The following LDLRAD3 variants were observed in gnomAD, a reference collection of about 807,000 sequenced individuals.
LDLRAD3 encodes low density lipoprotein receptor class A domain containing 3.
In LDLRAD3, 20 loss-of-function variants were observed where a neutral mutation model predicts 29.4. The ratio of observed to expected loss-of-function variants is 0.68; its 90% CI spans 0.48 to 0.99. The LOEUF is 0.99. LDLRAD3 is among the 50% of genes least tolerant of loss of function. LDLRAD3 has a pLI of 0.00. For synonymous variants in LDLRAD3, 157 were observed against 192.7 expected, an observed-to-expected ratio of 0.81 and a Z score of 1.53; for missense variants, 420 against 454.3, an observed-to-expected ratio of 0.92 and a Z score of 0.69.
rs66512652 is a variant in LDLRAD3, at chr11:36,159,602, T to TAAAAAAAAAAAAA, written c.454+61153_454+61165dup. 1.0e-4 allele frequency among the ~76,000 whole-genome samples: 6 copies of TAAAAAAAAAAAAA among 58,460 alleles called. 1 individual carries two copies. The highest frequency in any genetic ancestry group is 1.3e-4 in the Non-Finnish European group (4 of 31,766). The allele number at this position is 58,460 out of a possible 152,430, so 38.4% of individuals were successfully genotyped here. ...AGTAAAACACCGTCTTTACAGAAAC[T>TAAAAAAAAAAAAA]AAAAAAAAAAAAAAAAAAAAAAAAG... On this transcript the variant is annotated intron_variant, in intron 4 of 5. Transcript: ENST00000315571.
chr11:35,983,290 A>G (rs1003220015), intron 1 of LDLRAD3, among the ~76,000 whole-genome samples: 4 of 152,242 alleles, frequency 2.6e-5, no homozygotes, highest in African/African-American at 7.2e-5. Flanking sequence ...TAGATTAAAT[A>G]AAAGATACCA....
intron 4 of LDLRAD3, among the ~76,000 whole-genome samples, chr11:36,162,288 G>A (rs1476463990): frequency 6.6e-6 from 1 of 152,174 alleles, no homozygotes; most frequent in East Asian, 1.9e-4. Flanking sequence ...TGGGATATCA[G>A]TCACTTCTCC....
At position 36,042,549 on chromosome 11, in the gene LDLRAD3, C is replaced by T. The variant is rs558600756; in HGVS notation, c.193+6300C>T. On this transcript the variant is annotated intron_variant, in intron 2 of 5. Transcript: ENST00000315571. ...ATCACTCTGTAGAAAGCAGAACTGG[C>T]ACAACACTATCATTTTGGGTTGAAT... Among the ~76,000 whole-genome samples the T allele has an allele frequency of 3.3e-5, 5 of 152,290 alleles. No individual in the cohort carries two copies. In the South Asian group the frequency reaches 6.2e-4, roughly 19 times the overall value.
rs548213880 is a variant in LDLRAD3 at position 36,202,890 on chromosome 11, C to T, written c.455-24195C>T. Among the ~76,000 whole-genome samples the T allele has an allele frequency of 6.6e-4, 100 of 152,128 alleles. 1 individual carries two copies. Among genetic ancestry groups the T allele is most frequent in the Non-Finnish European group, 8.8e-4 (60 of 68,008 alleles). On this transcript the variant is annotated intron_variant, in intron 4 of 5. Transcript: ENST00000315571. ...CAGCAGCTGCAAATATTTAATGACC[C>T]CTTAGACTGTTTGCCAGGCACTGTG...
chr11:36,204,926 G>T (rs749767347), intron 4 of LDLRAD3, among the ~76,000 whole-genome samples: 4 of 152,148 alleles, frequency 2.6e-5, no homozygotes, highest in Admixed American at 6.5e-5. Flanking sequence ...CACTTGTTCT[G>T]CAGAAGTCCC....
chr11:36,048,132 G>T (rs1479262257), intron 2 of LDLRAD3, among the ~76,000 whole-genome samples: 1 of 152,198 alleles, frequency 6.6e-6, no homozygotes, highest in South Asian at 2.1e-4. Context: ...GCTTTTTCAG[G>T]TGTCAAAGAT....
At chr11:36,166,735 G>C (rs911476680) in intron 4 of LDLRAD3, among the ~76,000 whole-genome samples, 1 of 152,124 alleles carries the variant, frequency 6.6e-6, no homozygotes, top group Non-Finnish European at 1.5e-5. Flanking sequence ...TTCTAGCCCA[G>C]TACTTCTCAA....
At chr11:36,210,674 A>G (rs1855272769) in intron 4 of LDLRAD3, among the ~76,000 whole-genome samples, 1 of 152,184 alleles carries the variant, frequency 6.6e-6, no homozygotes, top group Non-Finnish European at 1.5e-5. Context: ...AGAAGTATAA[A>G]TATGAGACAT....
At chr11:36,153,822 C>A (rs978737924) in intron 4 of LDLRAD3, among the ~76,000 whole-genome samples, 22 of 152,078 alleles carry the variant, frequency 1.4e-4, no homozygotes, top group African/African-American at 5.3e-4. Flanking sequence ...GCTTGCTTTG[C>A]TTGTTAATGT....
At chr11:36,034,877 G>T (rs1347142451) in intron 1 of LDLRAD3, among the ~76,000 whole-genome samples, 1 of 152,208 alleles carries the variant, frequency 6.6e-6, no homozygotes, top group African/African-American at 2.4e-5. Flanking sequence ...ACGCATAAAG[G>T]ATAGTGGCCT....
At chr11:35,978,557 CAT>C (rs1851502603) in intron 1 of LDLRAD3, among the ~76,000 whole-genome samples, 1 of 152,200 alleles carries the variant, frequency 6.6e-6, no homozygotes, top group African/African-American at 2.4e-5. Flanking sequence ...TTGCTTGGGA[CAT>C]GTGATTCTGA....
At chr11:36,098,162 C>T (rs1424079491) in intron 3 of LDLRAD3, among the ~76,000 whole-genome samples, 165 bp from the exon 4 acceptor site, 2 of 152,242 alleles carry the variant, frequency 1.3e-5, no homozygotes, top group South Asian at 2.1e-4. Flanking sequence ...AGTCTTGTGT[C>T]CAGGTTTGGC....
At chr11:36,160,595 A>G (rs1205424949) in intron 4 of LDLRAD3, among the ~76,000 whole-genome samples, 1 of 152,114 alleles carries the variant, frequency 6.6e-6, no homozygotes, top group Non-Finnish European at 1.5e-5. Flanking sequence ...CGTTCAACCC[A>G]GGAACTCTGC....
intron 4 of LDLRAD3, chr11:36,109,817 G>A (rs1853582520): frequency 6.6e-6 from 1 of 151,928 alleles, no homozygotes; most frequent in Non-Finnish European, 1.5e-5. Flanking sequence ...GAATTTGAAG[G>A]GTGGTCAGTA....
At chr11:36,144,804 T>G (rs1407995563) in intron 4 of LDLRAD3, among the ~76,000 whole-genome samples, 22 of 72,138 alleles carry the variant, frequency 3.0e-4, no homozygotes, top group Non-Finnish European at 3.1e-4. Flanking sequence ...GGGAGGGAGG[T>G]GGGGGGGTCA....
intron 1 of LDLRAD3, among the ~76,000 whole-genome samples, chr11:36,034,362 TG>T (rs1554959071): frequency 1.3e-5 from 2 of 152,202 alleles, no homozygotes; most frequent in Non-Finnish European, 2.9e-5. Context: ...CTGCTTTGGC[TG>T]GAGTCGCAAC....
At position 36,227,299 on chromosome 11, in the gene LDLRAD3, G is replaced by C; in HGVS notation, c.669G>C (p.Leu223=). The stretch of plus-strand genomic sequence containing the variant: ...TGCTGCTGTCCCGCCTGGTGGTCCT[G>C]GACCACCCCCACCACTGCAACGTCA... The part of the protein sequence containing the change: ...HPVLLSRLVV[L]DHPHHCNVTY... The change falls in exon 5 of 6, where the codon CTG becomes CTC. Residue 223 remains leucine, a synonymous_variant. Coordinates refer to ENST00000315571, the MANE Select transcript of LDLRAD3 (RefSeq NM_174902.4). The C allele has an allele frequency of 6.2e-7, 1 of 1,614,078 alleles. No homozygotes were observed. The highest frequency in any genetic ancestry group is 8.5e-7 in the Non-Finnish European group (1 of 1,180,000).
intron 4 of LDLRAD3, among the ~76,000 whole-genome samples, chr11:36,106,066 C>T (rs1163039726): frequency 6.6e-6 from 1 of 152,112 alleles, no homozygotes; most frequent in Non-Finnish European, 1.5e-5. Context: ...GGTAAAGAAT[C>T]CCCTTGGCAG....
chr11:36,100,231 T>A (rs1853425884), intron 4 of LDLRAD3, among the ~76,000 whole-genome samples: 1 of 152,196 alleles, frequency 6.6e-6, no homozygotes, highest in Non-Finnish European at 1.5e-5. Context: ...GAGAGAGGTT[T>A]ATAATCCTGC....
Sources: gnomAD v4.1 joint callset for allele counts (sites outside exome capture counted in the v4.1 genomes callset) on GRCh38, gnomAD v4.1.1 for gene constraint, MANE v1.5 for transcripts, NCBI Gene and HGNC (gene_info 2026-07-23, HGNC 2026-07-21) for gene names.